The following ATXN1 variants were observed in gnomAD, a reference collection of about 807,000 sequenced individuals.
The protein encoded by ATXN1 is ataxin 1, also known as ataxin-1.
ATXN1 carries 8 observed loss-of-function variants against 56.4 expected under a neutral mutation model. The observed-to-expected ratio is 0.14, with a 90% CI of 0.08 to 0.26. ATXN1 has a LOEUF of 0.26. ATXN1 is among the 10% of genes least tolerant of loss of function. The pLI, the probability that ATXN1 is intolerant of heterozygous loss-of-function variation, is 1.00. For missense variants in ATXN1, 987 were observed against 1,106.5 expected (o/e 0.89, Z 1.53); for synonymous variants, 514 against 494.6 (o/e 1.04, Z -0.52).
At chr6:16,654,541 TAAAAAAAAA>T (rs1212773515) in intron 3 of ATXN1, among the ~76,000 whole-genome samples, 1 of 122,540 alleles carries the variant, frequency 8.2e-6, no homozygotes, top group African/African-American at 3.2e-5. Context: ...GACTCTGCCT[TAAAAAAAAA>T]AAAAAAAAAA....
At chr6:16,716,828 G>C (rs1759651397) in intron 2 of ATXN1, among the ~76,000 whole-genome samples, 1 of 152,186 alleles carries the variant, frequency 6.6e-6, no homozygotes, top group Admixed American at 6.5e-5. Context: ...ATGGACCATA[G>C]TTTGCCTACT....
chr6:16,346,721 G>GCAGCCCTCA (rs60281559), intron 6 of ATXN1, among the ~76,000 whole-genome samples: 1,684 of 152,194 alleles, frequency 0.011, 13 homozygotes, highest in Non-Finnish European at 0.02. Flanking sequence ...CAGCATACTG[G>GCAGCCCTCA]CAGCCCTCAC....
chr6:16,700,388 C>T (rs573444150), intron 2 of ATXN1, among the ~76,000 whole-genome samples: 1 of 152,134 alleles, frequency 6.6e-6, no homozygotes, highest in Non-Finnish European at 1.5e-5. Context: ...GCATATCTTG[C>T]TGTGCTCTGC....
chr6:16,684,950 G>A (rs1758886886), intron 2 of ATXN1, among the ~76,000 whole-genome samples: 1 of 151,796 alleles, frequency 6.6e-6, no homozygotes, highest in African/African-American at 2.4e-5. Flanking sequence ...AAGCACAAGT[G>A]AGTGAAATTT....
intron 2 of ATXN1, among the ~76,000 whole-genome samples, chr6:16,715,968 G>T (rs993770653): frequency 7.2e-5 from 11 of 152,134 alleles, no homozygotes; most frequent in Non-Finnish European, 1.6e-4. Context: ...CATTTCTGCT[G>T]CAATTCTCTA....
At position 16,549,636 on chromosome 6, in the gene ATXN1, G is replaced by A. The variant is rs761542316; in HGVS notation, c.-360-26948C>T. Among the ~76,000 whole-genome samples, 8 of 152,190 alleles carry A rather than the reference G, an allele frequency of 5.3e-5. No homozygotes were observed. The East Asian group carries it at 1.5e-3, about 29-fold the overall frequency. ...ATGCTGGCCAGGTGCAGCGGCTTACGCCTGTAATCCCAGCACTTTGGGAGG... is the reference window on the plus strand; with the variant it reads ...ATGCTGGCCAGGTGCAGCGGCTTACACCTGTAATCCCAGCACTTTGGGAGG... On this transcript the variant is annotated intron_variant, in intron 4 of 7. Coordinates refer to ENST00000436367, the MANE Select transcript of ATXN1 (RefSeq NM_001128164.2).
intron 2 of ATXN1, among the ~76,000 whole-genome samples, chr6:16,695,744 T>C (rs2113426376): frequency 6.6e-6 from 1 of 152,296 alleles, no homozygotes; most frequent in East Asian, 1.9e-4. Context: ...ATTTGGGCAG[T>C]TACTAAACTT....
intron 2 of ATXN1, among the ~76,000 whole-genome samples, chr6:16,684,486 C>T (rs1758876927): frequency 6.6e-6 from 1 of 152,212 alleles, no homozygotes; most frequent in African/African-American, 2.4e-5. Context: ...CACTCTGTCG[C>T]CCAGGCTGGA....
At chr6:16,538,717 G>A (rs184065422) in intron 4 of ATXN1, among the ~76,000 whole-genome samples, 4 of 151,868 alleles carry the variant, frequency 2.6e-5, no homozygotes, top group East Asian at 1.9e-4. Context: ...AGATAGTCTC[G>A]CTCTGTCACC....
intron 3 of ATXN1, among the ~76,000 whole-genome samples, chr6:16,591,822 G>A (rs760254240): frequency 6.6e-6 from 1 of 151,524 alleles, no homozygotes; most frequent in African/African-American, 2.4e-5. Flanking sequence ...TGGTGAAAAG[G>A]CCACTAATTG....
intron 3 of ATXN1, among the ~76,000 whole-genome samples, chr6:16,595,971 G>A (rs1440167213): frequency 2.6e-5 from 4 of 152,202 alleles, no homozygotes; most frequent in Middle Eastern, 3.4e-3. Context: ...TTCCTTCTTC[G>A]TCAAGGAAGC....
chr6:16,426,495 C>G (rs1185909316), intron 6 of ATXN1, among the ~76,000 whole-genome samples: 1 of 151,988 alleles, frequency 6.6e-6, no homozygotes, highest in Non-Finnish European at 1.5e-5. Flanking sequence ...CTGTGTTGTT[C>G]ATGTGTGAAA....
intron 2 of ATXN1, among the ~76,000 whole-genome samples, chr6:16,675,240 G>A (rs1008212362): frequency 2.4e-4 from 36 of 152,176 alleles, no homozygotes; most frequent in African/African-American, 7.5e-4. Flanking sequence ...TTATTTCAAC[G>A]TTTGGAGATT....
At chr6:16,438,632 C>T (rs1251631599) in intron 6 of ATXN1, among the ~76,000 whole-genome samples, 2 of 152,068 alleles carry the variant, frequency 1.3e-5, no homozygotes, top group East Asian at 1.9e-4. Flanking sequence ...ACTCAGAGCA[C>T]GTATAATCAG....
At chr6:16,433,578 A>G (rs1759330681) in intron 6 of ATXN1, among the ~76,000 whole-genome samples, 1 of 152,202 alleles carries the variant, frequency 6.6e-6, no homozygotes, top group African/African-American at 2.4e-5. Context: ...GCATCATTTG[A>G]AAGTTTTAAT....
At chr6:16,429,052 TA>T (rs2113577978) in intron 6 of ATXN1, among the ~76,000 whole-genome samples, 1 of 149,686 alleles carries the variant, frequency 6.7e-6, no homozygotes, top group Non-Finnish European at 1.5e-5. Flanking sequence ...GCGGCGAGGG[TA>T]GGGGGGTGGG....
At chr6:16,596,125 G>A (rs1007434867) in intron 3 of ATXN1, among the ~76,000 whole-genome samples, 1 of 152,080 alleles carries the variant, frequency 6.6e-6, no homozygotes, top group East Asian at 1.9e-4. Context: ...GCCTCCAGAG[G>A]AGCTGGGACT....
chr6:16,564,362 T>G (rs915792798), intron 4 of ATXN1, among the ~76,000 whole-genome samples: 5 of 152,074 alleles, frequency 3.3e-5, no homozygotes, highest in Non-Finnish European at 5.9e-5. Context: ...AAAAGTAGGC[T>G]GCACAGAGAA....
At chr6:16,346,332 C>CG (rs1561860888) in intron 6 of ATXN1, among the ~76,000 whole-genome samples, 1 of 151,952 alleles carries the variant, frequency 6.6e-6, no homozygotes, top group Non-Finnish European at 1.5e-5. Context: ...AGTGAGCCAC[C>CG]GCTTGGGATT....
Sources: gnomAD v4.1 joint callset for allele counts (sites outside exome capture counted in the v4.1 genomes callset) on GRCh38, gnomAD v4.1.1 for gene constraint, MANE v1.5 for transcripts, NCBI Gene and HGNC (gene_info 2026-07-23, HGNC 2026-07-21) for gene names.